Variants in TM9SF4 observed in about 807,000 individuals in gnomAD.
TM9SF4 encodes transmembrane 9 superfamily member 4.
A neutral mutation model predicts 90.4 loss-of-function variants in TM9SF4; 26 were observed. The ratio of observed to expected loss-of-function variants is 0.29; its 90% confidence interval spans 0.21 to 0.40. The LOEUF (loss-of-function observed/expected upper bound fraction) is 0.40, where lower values mean the gene tolerates loss of function less well. Ranked by LOEUF, TM9SF4 falls within the 10% of genes least tolerant of loss-of-function variation. The pLI is 1.00. For missense variants in TM9SF4, 549 were observed against 834.8 expected, an observed-to-expected ratio of 0.66 and a Z score of 4.22; for synonymous variants, 293 against 315.4, an observed-to-expected ratio of 0.93 and a Z score of 0.75.
At chr20:32,113,636 T>G (rs2046179594) in intron 1 of TM9SF4, among the ~76,000 whole-genome samples, 1 of 152,234 alleles carries the variant, frequency 6.6e-6, no homozygotes, top group Non-Finnish European at 1.5e-5. Context: ...TCATACTGTT[T>G]TGGTTTTTAT....
chr20:32,138,260 G>C (rs1483367420), intron 3 of TM9SF4, among the ~76,000 whole-genome samples: 1 of 152,132 alleles, frequency 6.6e-6, no homozygotes, highest in Non-Finnish European at 1.5e-5. Flanking sequence ...AGCTTTGGCA[G>C]GTGTTCCGGA....
At position 32,144,230 on chromosome 20, in the gene TM9SF4, C is replaced by T. The variant is rs144242988; in HGVS notation, c.653-861C>T. Among the ~76,000 whole-genome samples, 1,466 of 152,312 alleles carry T rather than the reference C, an allele frequency of 9.6e-3. 28 individuals are homozygous for T. The highest frequency in any genetic ancestry group is 0.033 in the African/African-American group (1,378 of 41,562). The stretch of plus-strand genomic sequence containing the variant: ...AAGTGCTTGGATTACAGGCGTGAGC[C>T]ACCGCGCCCAGCTCACCATTTTATC... On this transcript the variant is annotated intron_variant, in intron 6 of 17. Transcript: ENST00000398022.
At chr20:32,142,930 A>G in intron 5 of TM9SF4, 52 bp from the exon 6 acceptor site, 2 of 1,603,236 alleles carry the variant, frequency 1.2e-6, no homozygotes, top group Non-Finnish European at 1.7e-6. Context: ...TAATACCTGG[A>G]GAGTATCCCT....
At chr20:32,161,511 C>G in intron 17 of TM9SF4, 146 bp downstream of exon 17, 2 of 647,444 alleles carry the variant, frequency 3.1e-6, no homozygotes, top group Non-Finnish European at 5.3e-6. Context: ...TGTTCCTGCT[C>G]TAGAAGATGG....
intron 1 of TM9SF4, among the ~76,000 whole-genome samples, chr20:32,111,816 T>C (rs532656149): frequency 6.6e-6 from 1 of 152,220 alleles, no homozygotes; most frequent in African/African-American, 2.4e-5. Flanking sequence ...CTTGGTGTTT[T>C]TGAGGAACAC....
In TM9SF4 at chr20:32,114,421, C is replaced by G. The variant is rs190399466; in HGVS notation, c.15+4666C>G. 2.0e-5 allele frequency among the ~76,000 whole-genome samples: 3 copies of G among 152,326 alleles called. No homozygotes were observed. In the East Asian group the frequency reaches 5.8e-4, roughly 29 times the overall value. On this transcript the variant is annotated intron_variant, in intron 1 of 17. Transcript: ENST00000398022. ...TCATAGTTCACTGCAGCCTCCACCT[C>G]CCGGGCTCAGGCGATCATCTTGCCT...
At chr20:32,142,316 G>A (rs1374113755) in intron 5 of TM9SF4, among the ~76,000 whole-genome samples, 1 of 152,166 alleles carries the variant, frequency 6.6e-6, no homozygotes, top group African/African-American at 2.4e-5. Context: ...TAGCACATTC[G>A]TGTGAGCCCT....
chr20:32,143,239 A>T, intron 6 of TM9SF4, 134 bp downstream of exon 6: 1 of 1,137,260 alleles, frequency 8.8e-7, no homozygotes. Flanking sequence ...CCAAGGTAGG[A>T]TCATGGTATT....
At chr20:32,112,315 T>C (rs929005871) in intron 1 of TM9SF4, among the ~76,000 whole-genome samples, 3 of 152,138 alleles carry the variant, frequency 2.0e-5, no homozygotes, top group Admixed American at 2.0e-4. Flanking sequence ...CTTGCGGGGC[T>C]GAGGTGGGAG....
chr20:32,154,436 A>G (rs1200915199), intron 12 of TM9SF4, among the ~76,000 whole-genome samples: 2 of 150,688 alleles, frequency 1.3e-5, no homozygotes, highest in South Asian at 2.1e-4. Flanking sequence ...ATATGTATAT[A>G]TTGGGTAGTT....
At chr20:32,157,703 T>G (rs1025038285) in intron 13 of TM9SF4, 91 bp from the exon 14 acceptor site, 1 of 1,514,212 alleles carries the variant, frequency 6.6e-7, no homozygotes, top group Non-Finnish European at 8.9e-7. Context: ...CGCCTCTCCT[T>G]CTGTGGAGCC....
intron 15 of TM9SF4, chr20:32,159,640 A>T: frequency 4.4e-6 from 1 of 229,482 alleles, no homozygotes; most frequent in Non-Finnish European, 8.6e-6. Flanking sequence ...AGACACACAC[A>T]TGTAGCAATT....
chr20:32,130,069 A>C (rs1490055525), intron 1 of TM9SF4, among the ~76,000 whole-genome samples: 1 of 152,194 alleles, frequency 6.6e-6, no homozygotes, highest in Non-Finnish European at 1.5e-5. Flanking sequence ...CCAGTTTATA[A>C]TGCCTATAGC....
intron 1 of TM9SF4, among the ~76,000 whole-genome samples, chr20:32,122,786 C>T (rs1440642936): frequency 1.3e-5 from 2 of 152,140 alleles, no homozygotes; most frequent in African/African-American, 4.8e-5. Flanking sequence ...GCAGAGGCTG[C>T]AATCTCGGCA....
At chr20:32,146,357 A>G (rs1460627761) in intron 8 of TM9SF4, among the ~76,000 whole-genome samples, 2 of 152,168 alleles carry the variant, frequency 1.3e-5, no homozygotes, top group South Asian at 2.1e-4. Flanking sequence ...CAGTCAGGAT[A>G]TGGCGGGGCA....
chr20:32,116,487 A>G (rs1326296797), intron 1 of TM9SF4: 1 of 152,306 alleles, frequency 6.6e-6, no homozygotes, highest in East Asian at 1.9e-4. Flanking sequence ...GAGGGTGGTT[A>G]TTAGTTTCAC....
intron 9 of TM9SF4, among the ~76,000 whole-genome samples, chr20:32,147,594 T>A (rs1454061848): frequency 6.6e-6 from 1 of 152,216 alleles, no homozygotes; most frequent in East Asian, 1.9e-4. Flanking sequence ...GGCTCACACC[T>A]GTTATCTCAG....
chr20:32,155,574 C>T (rs900677942), intron 13 of TM9SF4, among the ~76,000 whole-genome samples: 3 of 152,234 alleles, frequency 2.0e-5, no homozygotes, highest in African/African-American at 7.2e-5. Flanking sequence ...GCACCAGCCC[C>T]TGCAGGTGGA....
chr20:32,150,993 C>A, intron 12 of TM9SF4, 118 bp downstream of exon 12: 1 of 1,208,464 alleles, frequency 8.3e-7, no homozygotes, highest in Non-Finnish European at 1.2e-6. Context: ...TGAGCAGCAG[C>A]AAGACATAGC....
Sources: allele counts gnomAD v4.1 joint callset (sites outside exome capture counted in the v4.1 genomes callset), GRCh38; gene constraint gnomAD v4.1.1; transcripts MANE v1.5; gene names NCBI Gene and HGNC (gene_info 2026-07-23, HGNC 2026-07-21).